The following CEP295 variants were observed in gnomAD, a reference collection of about 807,000 sequenced individuals.
The protein encoded by CEP295 is centrosomal protein of 295 kDa.
Under a neutral mutation model 291.6 loss-of-function variants are expected in CEP295, and 190 were observed. The observed-to-expected ratio is 0.65, with a 90% CI of 0.58 to 0.73. The LOEUF (loss-of-function observed/expected upper bound fraction) is 0.73. Ranked by LOEUF, CEP295 falls within the 30% of genes least tolerant of loss-of-function variation. CEP295 has a pLI of 0.00. For missense variants in CEP295, 2,863 were observed against 2,949.4 expected (o/e 0.97, Z 0.68); for synonymous variants, 993 against 1,038.8 (o/e 0.96, Z 0.85).
chr11:93,724,156 G>A lies in CEP295; in HGVS notation c.6197-98G>A, dbSNP rs1161888038. On this transcript the variant is annotated intron_variant, in intron 21 of 29. Transcript: ENST00000325212. ...GAGTTACCTGAAAATAAGCGTTTAT[G>A]AATATGTTCTTAATACTCCTTTTCT... 3 of 1,133,978 alleles carry A rather than the reference G, an allele frequency of 2.6e-6. No individual in the cohort carries two copies. In the African/African-American group the frequency reaches 4.7e-5, roughly 18 times the overall value. The allele number at this position is 1,133,978 out of a possible 1,614,324, so 70.2% of individuals were successfully genotyped here. A position where few individuals can be genotyped will look rare whatever the true frequency, so the allele number is the denominator to read the frequency against.
rs1296039593 is a variant in CEP295, at chr11:93,669,076, TG to T, written c.434+148del. 20 of 533,718 alleles carry T rather than the reference TG, an allele frequency of 3.7e-5. No homozygotes were observed. In the East Asian group the frequency reaches 7.0e-4, roughly 19 times the overall value. The allele number at this position is 533,718 out of a possible 1,614,324, so 33.1% of individuals were successfully genotyped here. Reference sequence around the variant, plus strand: ...GTTAAACTTGATTTAAAAATAATGTTGGGGACAGGGAATGATTTGCTTAGGT... The same window carrying T: ...GTTAAACTTGATTTAAAAATAATGTTGGGACAGGGAATGATTTGCTTAGGT... On this transcript the variant is annotated intron_variant, in intron 4 of 29. Transcript: ENST00000325212.
At chr11:93,705,763 G>T (rs1952471933) in intron 17 of CEP295, among the ~76,000 whole-genome samples, 1 of 152,118 alleles carries the variant, frequency 6.6e-6, no homozygotes, top group African/African-American at 2.4e-5. Flanking sequence ...ATGCTAAAAG[G>T]CCAATTGGAG....
intron 18 of CEP295, among the ~76,000 whole-genome samples, chr11:93,713,065 C>T (rs1953018962): frequency 6.6e-6 from 1 of 151,858 alleles, no homozygotes; most frequent in Non-Finnish European, 1.5e-5. Context: ...CATAAACAAG[C>T]AAAGAGAAAA....
chr11:93,699,950 G>A lies in CEP295; in HGVS notation c.5038G>A (p.Ala1680Thr), dbSNP rs546446811. ...ELYSSQNEHA[A>T]PPSNPVIPGF... ...GTATTCATCCCAGAATGAACATGCA[G>A]CCCCCCCAAGTAATCCTGTGATCCC... Residue 1680 changes from alanine (A) to threonine (T), a missense_variant, in exon 15 of 30, where the codon GCC becomes ACC. By Grantham distance (58) the Ala-to-Thr change is moderately conservative (BLOSUM62 0). Around this residue, in one of 3 missense-constraint regions of CEP295, gnomAD observed 2,295 missense variants for 2,335.7 expected, o/e 0.98. Coordinates refer to ENST00000325212, the MANE Select transcript of CEP295 (RefSeq NM_033395.2). 10 of 1,551,502 alleles carry A rather than the reference G, an allele frequency of 6.4e-6. No individual in the cohort carries two copies. The Admixed American group carries it at 9.8e-5, about 15-fold the overall frequency.
Position 93,697,947 on chromosome 11 carries a change from C to A in CEP295, c.3035C>A (p.Thr1012Lys), listed in dbSNP as rs1029785249. Residue 1012 changes from threonine (T) to lysine (K), a missense_variant, in exon 15 of 30, where the codon ACA (threonine) becomes AAA (lysine). This residue lies in a region of CEP295 where 2,295 missense variants were observed against 2,335.7 expected (regional missense o/e 0.98). Coordinates refer to ENST00000325212, the MANE Select transcript of CEP295 (RefSeq NM_033395.2). ...HTFTSLPSAD[T>K]KSGKIQEQHS... ...TTTACTTCACTACCATCTGCTGATA[C>A]AAAATCTGGAAAAATACAGGAGCAA... is the stretch of plus-strand genomic sequence containing the variant. 6 of 1,551,556 alleles carry A rather than the reference C, an allele frequency of 3.9e-6. No homozygotes were observed. Among genetic ancestry groups the A allele is most frequent in the Non-Finnish European group, 3.5e-6 (4 of 1,146,976 alleles).
At chr11:93,716,452 C>T (rs942002452) in intron 18 of CEP295, among the ~76,000 whole-genome samples, 3 of 152,212 alleles carry the variant, frequency 2.0e-5, no homozygotes, top group African/African-American at 7.2e-5. Context: ...ACTGTGATTG[C>T]TCACCGGATT....
chr11:93,692,647 A>G (rs1468857646), intron 12 of CEP295, among the ~76,000 whole-genome samples: 1 of 151,518 alleles, frequency 6.6e-6, no homozygotes, highest in Non-Finnish European at 1.5e-5. Context: ...CCTAGTAGAG[A>G]TGACGTCTTG....
Position 93,727,262 on chromosome 11 carries a change from C to G in CEP295, c.6786C>G (p.Asn2262Lys), listed in dbSNP as rs1954218831. Residue 2262 changes from asparagine (N) to lysine (K), a missense_variant, in exon 24 of 30, where the codon AAC becomes AAG. Asn to Lys is a moderately conservative substitution (Grantham distance 94). Transcript: ENST00000325212. ...NVQHSTPCGS[N>K]SSECSTKHQL... ...AGCATAGCACTCCATGTGGTTCTAA[C>G]TCTAGTGAGTGCTCAACAAAACACC... 1 of 1,551,756 alleles carries G rather than the reference C, an allele frequency of 6.4e-7. No homozygotes were observed. The highest frequency in any genetic ancestry group is 8.7e-7 in the Non-Finnish European group (1 of 1,146,984).
Position 93,729,975 on chromosome 11 carries a change from GTTAAT to G in CEP295, c.7667+9_7667+13del, listed in dbSNP as rs776833505. The stretch of plus-strand genomic sequence containing the variant: ...AGGCACCAAAGGGGTCTAAGGTAGG[GTTAAT>G]TTTTTTTTTTTTTTTAGTGATTCAC... On this transcript the variant is annotated splice_region_variant and intron_variant, in intron 28 of 29. Transcript: ENST00000325212. The G allele has an allele frequency of 3.0e-5, 44 of 1,473,084 alleles. No individual in the cohort carries two copies. The African/African-American group carries it at 4.3e-4, about 14-fold the overall frequency. The allele number at this position is 1,473,084 out of a possible 1,614,324, so 91.3% of individuals were successfully genotyped here. A position where few individuals can be genotyped will look rare whatever the true frequency, so the allele number is the denominator to read the frequency against.
chr11:93,720,075 A>AT (rs1178006799), intron 18 of CEP295, among the ~76,000 whole-genome samples: 2 of 151,612 alleles, frequency 1.3e-5, no homozygotes, highest in Non-Finnish European at 2.9e-5. Flanking sequence ...AAAAAAAAAA[A>AT]AGCTGGGCGT....
At chr11:93,716,458 G>A (rs1023483630) in intron 18 of CEP295, among the ~76,000 whole-genome samples, 2 of 152,214 alleles carry the variant, frequency 1.3e-5, no homozygotes, top group East Asian at 1.9e-4. Context: ...ATTGCTCACC[G>A]GATTTTTGGT....
In CEP295 at chr11:93,727,382, T is replaced by C; in HGVS notation, c.6906T>C (p.Asn2302=). 1 of 1,551,428 alleles carries C rather than the reference T, an allele frequency of 6.4e-7. No homozygotes were observed. The highest frequency in any genetic ancestry group is 8.7e-7 in the Non-Finnish European group (1 of 1,146,922). Residue 2302 remains asparagine (N), a synonymous_variant, in exon 24 of 30, where the codon AAT becomes AAC. Coordinates refer to ENST00000325212, the MANE Select transcript of CEP295 (RefSeq NM_033395.2). The part of the protein sequence containing the change: ...MLQSQGLIED[N]KNETCRVLDI... ...AAAGTCAAGGACTCATTGAAGATAA[T>C]AAAAATGAAACCTGTAGGGTTTTAG...
intron 5 of CEP295, among the ~76,000 whole-genome samples, chr11:93,675,350 A>G (rs1349776486): frequency 6.6e-6 from 1 of 152,158 alleles, no homozygotes; most frequent in Non-Finnish European, 1.5e-5. Context: ...ACATTTAGTT[A>G]GCGACACCTT....
At chr11:93,679,793 T>G (rs746429999) in intron 7 of CEP295, among the ~76,000 whole-genome samples, 3 of 152,202 alleles carry the variant, frequency 2.0e-5, no homozygotes, top group Non-Finnish European at 4.4e-5. Context: ...ATTAAAAGTT[T>G]AATATTTTAA....
chr11:93,684,168 G>GAA, intron 9 of CEP295, 40 bp downstream of exon 9: 13 of 1,352,326 alleles, frequency 9.6e-6, no homozygotes, highest in Admixed American at 5.3e-5. Flanking sequence ...GTATTTCACA[G>GAA]AAAAAAAAAA....
chr11:93,704,030 A>G (rs994294373), intron 17 of CEP295, among the ~76,000 whole-genome samples: 1 of 151,860 alleles, frequency 6.6e-6, no homozygotes, highest in African/African-American at 2.4e-5. Flanking sequence ...CGGCCTCCCA[A>G]AGTGCTGGGA....
intron 1 of CEP295, among the ~76,000 whole-genome samples, chr11:93,666,008 C>T (rs1157006655): frequency 6.6e-6 from 1 of 152,176 alleles, no homozygotes; most frequent in Non-Finnish European, 1.5e-5. Context: ...TCTATGCTAA[C>T]ATCTTTTTAG....
Position 93,722,042 on chromosome 11 carries a change from C to G in CEP295, c.5939C>G (p.Thr1980Arg). Residue 1980 changes from threonine to arginine, a missense_variant, in exon 20 of 30, where the codon ACA (threonine) becomes AGA (arginine). Around this residue, in one of 3 missense-constraint regions of CEP295, gnomAD observed 2,295 missense variants for 2,335.7 expected, o/e 0.98. Transcript: ENST00000325212. ...LSYENTDLSLTDPESFSEHMD... is the reference protein window; with the variant it reads ...LSYENTDLSLRDPESFSEHMD... ...TATGAAAACACAGATTTGAGCCTTA[C>G]AGATCCAGGTAATAAGGTCAAAATG... The G allele has an allele frequency of 6.5e-7, 1 of 1,543,018 alleles. No individual in the cohort carries two copies. Among genetic ancestry groups the G allele is most frequent in the Non-Finnish European group, 8.8e-7 (1 of 1,136,822 alleles).
chr11:93,673,143 C>T (rs935040077), intron 5 of CEP295, among the ~76,000 whole-genome samples: 15 of 152,164 alleles, frequency 9.9e-5, no homozygotes, highest in African/African-American at 3.4e-4. Flanking sequence ...CAGTTTCTTA[C>T]TGAACTTTAA....
Sources: gnomAD v4.1 joint callset for allele counts (sites outside exome capture counted in the v4.1 genomes callset) on GRCh38, gnomAD v4.1.1 for gene constraint, gnomAD v4.1.1 regional missense constraint, MANE v1.5 for transcripts, NCBI Gene and HGNC (gene_info 2026-07-23, HGNC 2026-07-21) for gene names.